ZBTB7C: variants seen among roughly 807,000 people sequenced by gnomAD.
The protein encoded by ZBTB7C is zinc finger and BTB domain-containing protein 7C.
A neutral mutation model predicts 25.7 loss-of-function variants in ZBTB7C; 8 were observed. The ratio of observed to expected loss-of-function variants is 0.31; its 90% CI spans 0.18 to 0.56. The LOEUF (loss-of-function observed/expected upper bound fraction) is 0.56, where lower values mean the gene tolerates loss of function less well. ZBTB7C is among the 20% of genes least tolerant of loss of function. ZBTB7C has a pLI of 0.91. For missense variants in ZBTB7C, 824 were observed against 855.2 expected (o/e 0.96, Z 0.46); for synonymous variants, 394 against 369.0 (o/e 1.07, Z -0.78).
intron 2 of ZBTB7C, among the ~76,000 whole-genome samples, chr18:48,211,631 C>A (rs1160295698): frequency 6.6e-6 from 1 of 152,126 alleles, no homozygotes; most frequent in African/African-American, 2.4e-5. Context: ...ATTAAAACAA[C>A]AAGGAGACAC....
At chr18:48,245,395 C>T (rs1568327489) in intron 2 of ZBTB7C, among the ~76,000 whole-genome samples, 1 of 149,718 alleles carries the variant, frequency 6.7e-6, no homozygotes, top group Non-Finnish European at 1.5e-5. Context: ...GATGGGTGCA[C>T]CAAAATCTCA....
intron 1 of ZBTB7C, among the ~76,000 whole-genome samples, chr18:48,339,824 G>T (rs985617482): frequency 1.1e-4 from 16 of 152,136 alleles, no homozygotes; most frequent in African/African-American, 3.9e-4. Context: ...AGACAAGAAT[G>T]TGGAGGCTCC....
At chr18:48,342,537 T>C (rs981684416) in intron 1 of ZBTB7C, among the ~76,000 whole-genome samples, 1 of 152,090 alleles carries the variant, frequency 6.6e-6, no homozygotes, top group Non-Finnish European at 1.5e-5. Context: ...AGAGAAAGGA[T>C]TACCCTGCAC....
At chr18:48,307,786 T>G (rs1176452676) in intron 2 of ZBTB7C, among the ~76,000 whole-genome samples, 1 of 152,144 alleles carries the variant, frequency 6.6e-6, no homozygotes, top group African/African-American at 2.4e-5. Context: ...AGGCGGAGAT[T>G]GCAGTGAGCT....
chr18:48,053,275 C>T (rs1568179718), intron 3 of ZBTB7C, among the ~76,000 whole-genome samples: 1 of 152,202 alleles, frequency 6.6e-6, no homozygotes, highest in Non-Finnish European at 1.5e-5. Flanking sequence ...TGCACAGATT[C>T]ATTACAGACA....
Position 48,040,573 on chromosome 18 carries a change from C to T in ZBTB7C, c.535G>A (p.Asp179Asn). The T allele has an allele frequency of 6.2e-7, 1 of 1,614,006 alleles. No individual in the cohort carries two copies. Among genetic ancestry groups the T allele is most frequent in the Non-Finnish European group, 8.5e-7 (1 of 1,179,968 alleles). The change falls in exon 4 of 5, where the codon GAC (aspartate) becomes AAC (asparagine). Residue 179 changes from aspartate to asparagine, a missense_variant. By Grantham distance (23) the Asp-to-Asn change is conservative (BLOSUM62 1). Transcript: ENST00000590800. ...TGGTGGCAGCTGATGTCCTGGGGGT[C>T]AGGCAAGTTTTCTTGGTCAGCAAAG... Reference protein sequence around the residue: ...EDFADQENLPDPQDISCHQSP... With the variant: ...EDFADQENLPNPQDISCHQSP...
At chr18:48,208,102 G>A (rs2042621858) in intron 2 of ZBTB7C, among the ~76,000 whole-genome samples, 1 of 152,166 alleles carries the variant, frequency 6.6e-6, no homozygotes, top group South Asian at 2.1e-4. Flanking sequence ...GTATAGCCAG[G>A]CAAGGTATAA....
chr18:48,103,590 C>A (rs898082524), intron 3 of ZBTB7C, among the ~76,000 whole-genome samples: 1 of 152,126 alleles, frequency 6.6e-6, no homozygotes, highest in Non-Finnish European at 1.5e-5. Context: ...TAGGTGCACA[C>A]CCAAGAGAAA....
chr18:48,118,693 C>T (rs150726985), intron 3 of ZBTB7C, among the ~76,000 whole-genome samples: 13 of 152,146 alleles, frequency 8.5e-5, no homozygotes, highest in Admixed American at 6.5e-5. Context: ...GAATAGTATG[C>T]GACCTAAATT....
chr18:48,029,562 C>T lies in ZBTB7C; in HGVS notation c.1558G>A (p.Gly520Ser), dbSNP rs1261723727. The T allele has an allele frequency of 1.3e-6, 2 of 1,518,554 alleles. No individual in the cohort carries two copies. The highest frequency in any genetic ancestry group is 1.3e-5 in the South Asian group (1 of 79,560). 94.1% of individuals were successfully genotyped at this position (1,518,554 alleles called of 1,614,324 possible). The stretch of plus-strand genomic sequence containing the variant: ...GGGCCCGGGAGGCACACAGCTGCGC[C>T]GCCCAGGTGGCCGCCCACCTCGCCC... ...ALGEVGGHLGGAAVCLPGPSP... is the reference protein window; with the variant it reads ...ALGEVGGHLGSAAVCLPGPSP... The change falls in exon 5 of 5, where the codon GGC (glycine) becomes AGC (serine). Residue 520 changes from glycine (G) to serine (S), a missense_variant. Physicochemically the swap from Gly to Ser is moderately conservative, Grantham distance 56. Coordinates refer to ENST00000590800, the MANE Select transcript of ZBTB7C (RefSeq NM_001318841.2).
chr18:48,173,520 C>G (rs1175516158), intron 3 of ZBTB7C, among the ~76,000 whole-genome samples: 1 of 151,508 alleles, frequency 6.6e-6, no homozygotes, highest in African/African-American at 2.5e-5. Flanking sequence ...TATGATACGT[C>G]CCCCCTTCCC....
chr18:48,114,714 A>T (rs2039366844), intron 3 of ZBTB7C, among the ~76,000 whole-genome samples: 3 of 152,226 alleles, frequency 2.0e-5, no homozygotes, highest in Admixed American at 2.0e-4. Flanking sequence ...CAGTATATTC[A>T]TTGGGATCAT....
intron 2 of ZBTB7C, among the ~76,000 whole-genome samples, chr18:48,214,670 A>C (rs2042781622): frequency 6.6e-6 from 1 of 152,194 alleles, no homozygotes; most frequent in Admixed American, 6.5e-5. Flanking sequence ...ACTTGCATTC[A>C]CTTCACTCTG....
At chr18:48,110,501 C>T (rs1284640527) in intron 3 of ZBTB7C, among the ~76,000 whole-genome samples, 1 of 152,186 alleles carries the variant, frequency 6.6e-6, no homozygotes, top group East Asian at 1.9e-4. Context: ...AACCATGAAA[C>T]AATTGTGCTA....
chr18:48,303,711 T>C (rs768286376), intron 2 of ZBTB7C, among the ~76,000 whole-genome samples: 11 of 152,186 alleles, frequency 7.2e-5, no homozygotes, highest in Non-Finnish European at 1.3e-4. Context: ...AGATGGCACT[T>C]GGTCCAAGCA....
intron 2 of ZBTB7C, among the ~76,000 whole-genome samples, chr18:48,272,972 G>A (rs2044536548): frequency 6.6e-6 from 1 of 152,196 alleles, no homozygotes; most frequent in Non-Finnish European, 1.5e-5. Flanking sequence ...AACAAAAGTA[G>A]ATTAATGGTT....
chr18:48,257,907 A>T (rs1185796837), intron 2 of ZBTB7C, among the ~76,000 whole-genome samples: 5 of 152,080 alleles, frequency 3.3e-5, no homozygotes, highest in Non-Finnish European at 7.4e-5. Context: ...GGTAGCTTGC[A>T]CCTATAATCC....
At position 48,028,650 on chromosome 18, in the gene ZBTB7C, C is replaced by G. The variant is rs962665871; in HGVS notation, c.*610G>C. Reference sequence around the variant, plus strand: ...ACTGAGCTACAGAGGGCTGACCTGTCAAGGTCACAGGACAGGTCAGGGAAG... The same window carrying G: ...ACTGAGCTACAGAGGGCTGACCTGTGAAGGTCACAGGACAGGTCAGGGAAG... On this transcript the variant is annotated 3_prime_UTR_variant, in exon 5 of 5. Coordinates refer to ENST00000590800, the MANE Select transcript of ZBTB7C (RefSeq NM_001318841.2). The G allele has an allele frequency of 6.6e-6, 1 of 152,534 alleles. No individual in the cohort carries two copies. The highest frequency in any genetic ancestry group is 2.4e-5 in the African/African-American group (1 of 41,434). The allele number at this position is 152,534 out of a possible 1,614,324, so 9.4% of individuals were successfully genotyped here.
chr18:48,271,063 T>C (rs1042603342), intron 2 of ZBTB7C, among the ~76,000 whole-genome samples: 14 of 152,320 alleles, frequency 9.2e-5, no homozygotes, highest in Admixed American at 3.9e-4. Flanking sequence ...AAAACCTGCA[T>C]ACATTAGTAA....
Sources: allele counts gnomAD v4.1 joint callset (sites outside exome capture counted in the v4.1 genomes callset), GRCh38; gene constraint gnomAD v4.1.1; transcripts MANE v1.5; gene names NCBI Gene and HGNC (gene_info 2026-07-23, HGNC 2026-07-21).